The following GRID1 variants were observed in gnomAD, a reference collection of about 807,000 sequenced individuals.
GRID1 encodes glutamate receptor ionotropic, delta-1.
A neutral mutation model predicts 98.0 loss-of-function variants in GRID1; 28 were observed. The ratio of observed to expected loss-of-function variants is 0.29; its 90% CI spans 0.21 to 0.39. GRID1 has a LOEUF of 0.39. Ranked by LOEUF, GRID1 falls within the 10% of genes least tolerant of loss-of-function variation. The pLI, the probability that GRID1 is intolerant of heterozygous loss-of-function variation, is 1.00. For missense variants in GRID1, 1,111 were observed against 1,340.5 expected (o/e 0.83, Z 2.67); for synonymous variants, 553 against 538.5 (o/e 1.03, Z -0.37).
At chr10:85,854,334 GC>G (rs1213604256) in intron 8 of GRID1, among the ~76,000 whole-genome samples, 161 bp downstream of exon 8, 3 of 152,192 alleles carry the variant, frequency 2.0e-5, no homozygotes, top group Non-Finnish European at 2.9e-5. Flanking sequence ...TCCCTAGCAT[GC>G]CCTATAAACA....
chr10:85,777,690 C>G (rs1842344958), intron 8 of GRID1, among the ~76,000 whole-genome samples: 1 of 152,232 alleles, frequency 6.6e-6, no homozygotes, highest in African/African-American at 2.4e-5. Context: ...AAAGAGACTT[C>G]TCAACTGGTC....
chr10:86,143,331 C>T (rs920196099), intron 3 of GRID1, among the ~76,000 whole-genome samples: 1 of 152,200 alleles, frequency 6.6e-6, no homozygotes, highest in Non-Finnish European at 1.5e-5. Flanking sequence ...CCCCACTTCT[C>T]CCGCAAAGTC....
At chr10:85,816,967 C>T (rs111663483) in intron 8 of GRID1, among the ~76,000 whole-genome samples, 6,342 of 152,240 alleles carry the variant, frequency 0.042, 141 homozygotes, top group Non-Finnish European at 0.047. Context: ...ATTTGATATT[C>T]TATTTCTGTG....
At chr10:85,771,283 G>T (rs1842263710) in intron 8 of GRID1, among the ~76,000 whole-genome samples, 1 of 152,140 alleles carries the variant, frequency 6.6e-6, no homozygotes, top group South Asian at 2.1e-4. Flanking sequence ...GAGAGATTTT[G>T]TCACCACGAG....
Position 86,195,670 on chromosome 10 carries a change from G to A in GRID1, c.520+10694C>T, listed in dbSNP as rs1845862136. Among the ~76,000 whole-genome samples, 3 of 152,174 alleles carry A rather than the reference G, an allele frequency of 2.0e-5. No homozygotes were observed. The highest frequency in any genetic ancestry group is 6.5e-5 in the Admixed American group (1 of 15,280). ...GGCGACCACGCCATCAGGTGGGTAA[G>A]AGGATAACTTCCAGCAAGGAACTGG... is the stretch of plus-strand genomic sequence containing the variant. On this transcript the variant is annotated intron_variant, in intron 3 of 15. Transcript: ENST00000327946. This position sits in a 1 kb window ranked among gnomAD's most constrained non-coding sequence, Gnocchi z 4.4.
chr10:85,995,936 G>A (rs1842734357), intron 4 of GRID1, among the ~76,000 whole-genome samples: 1 of 152,188 alleles, frequency 6.6e-6, no homozygotes, highest in South Asian at 2.1e-4. Flanking sequence ...TAAAAGCTGT[G>A]AATAAAAGAT....
chr10:85,998,315 T>G (rs530098432), intron 4 of GRID1, among the ~76,000 whole-genome samples: 6 of 152,314 alleles, frequency 3.9e-5, no homozygotes, highest in African/African-American at 1.4e-4. Context: ...ATAATGGAAT[T>G]AAATTAGAAT....
At chr10:86,292,217 T>C (rs1281423489) in intron 2 of GRID1, among the ~76,000 whole-genome samples, 2 of 152,200 alleles carry the variant, frequency 1.3e-5, no homozygotes, top group Non-Finnish European at 2.9e-5. Flanking sequence ...GCGCCACCTC[T>C]AGGCTCTGCC....
intron 8 of GRID1, among the ~76,000 whole-genome samples, chr10:85,810,202 T>C (rs1842658411): frequency 6.7e-6 from 1 of 150,374 alleles, no homozygotes; most frequent in Non-Finnish European, 1.5e-5. Flanking sequence ...GAGCCACTAC[T>C]GGAGTGTGCT....
At chr10:85,895,402 C>T (rs568154503) in intron 5 of GRID1, among the ~76,000 whole-genome samples, 6 of 152,208 alleles carry the variant, frequency 3.9e-5, no homozygotes, top group Admixed American at 2.0e-4. Context: ...TCTAGTGTCT[C>T]CTCAGCTCAA....
intron 4 of GRID1, among the ~76,000 whole-genome samples, chr10:86,022,452 C>T (rs1385065696): frequency 6.6e-6 from 1 of 152,140 alleles, no homozygotes; most frequent in Non-Finnish European, 1.5e-5. Flanking sequence ...GGGAGGTCCC[C>T]TGGTCAGCCA....
At chr10:86,177,926 A>G (rs1224507019) in intron 3 of GRID1, among the ~76,000 whole-genome samples, 3 of 152,232 alleles carry the variant, frequency 2.0e-5, no homozygotes, top group African/African-American at 7.2e-5. Flanking sequence ...ACGGAGAGAC[A>G]GTGAGACAAA....
chr10:85,776,958 C>T (rs540142351), intron 8 of GRID1, among the ~76,000 whole-genome samples: 148 of 152,290 alleles, frequency 9.7e-4, no homozygotes, highest in African/African-American at 3.5e-3. Flanking sequence ...GCATTTGCTA[C>T]CTATAGCTAC....
At chr10:86,306,153 G>C (rs17096224) in intron 2 of GRID1, among the ~76,000 whole-genome samples, 2,783 of 152,300 alleles carry the variant, frequency 0.018, 22 homozygotes, top group Middle Eastern at 0.038. Flanking sequence ...TCAAGGCTTT[G>C]GGCAAACAAG....
Position 85,634,285 on chromosome 10 carries a change from TCTCTCTCACA to T in GRID1, c.2193+12907_2193+12916del, listed in dbSNP as rs1183885763. 6.8e-3 allele frequency among the ~76,000 whole-genome samples: 952 copies of T among 139,966 alleles called. 7 individuals carry two copies. The highest frequency in any genetic ancestry group is 0.011 in the Middle Eastern group (3 of 272). 91.8% of individuals were successfully genotyped at this position (139,966 alleles called of 152,430 possible). ...CTCTCTCTCTCTCTCTCTCTCTCTCTCTCTCTCACACACACACACACACACACACAGACTA... is the reference window on the plus strand; with the variant it reads ...CTCTCTCTCTCTCTCTCTCTCTCTCTCACACACACACACACACACAGACTA... On this transcript the variant is annotated intron_variant, in intron 13 of 15. Coordinates refer to ENST00000327946, the MANE Select transcript of GRID1 (RefSeq NM_017551.3).
At chr10:85,716,393 A>G (rs1364416194) in intron 12 of GRID1, among the ~76,000 whole-genome samples, 1 of 152,016 alleles carries the variant, frequency 6.6e-6, no homozygotes, top group African/African-American at 2.4e-5. Flanking sequence ...GGGCAACATC[A>G]CACACCGGGG....
chr10:86,149,247 CTT>C (rs151135339), intron 3 of GRID1, among the ~76,000 whole-genome samples: 1,715 of 152,312 alleles, frequency 0.011, 30 homozygotes, highest in African/African-American at 0.038. Context: ...ATTGAAAACT[CTT>C]TGAGAGGGGA....
intron 5 of GRID1, among the ~76,000 whole-genome samples, chr10:85,884,568 C>T (rs1314205545): frequency 6.6e-6 from 1 of 152,156 alleles, no homozygotes; most frequent in Non-Finnish European, 1.5e-5. Context: ...TGTAAACATT[C>T]TGCAGCTTCC....
chr10:86,034,358 C>G (rs1221908934), intron 4 of GRID1, among the ~76,000 whole-genome samples: 1 of 152,022 alleles, frequency 6.6e-6, no homozygotes, highest in Non-Finnish European at 1.5e-5. Flanking sequence ...GGGAAAGACA[C>G]CAAAATTTAC....
Sources: allele counts gnomAD v4.1 joint callset (sites outside exome capture counted in the v4.1 genomes callset), GRCh38; gene constraint gnomAD v4.1.1; non-coding constraint Gnocchi (gnomAD v3.1); transcripts MANE v1.5; gene names NCBI Gene and HGNC (gene_info 2026-07-23, HGNC 2026-07-21).